POLD1: variants seen among roughly 807,000 people sequenced by gnomAD.
POLD1 encodes the protein DNA polymerase delta catalytic subunit.
A neutral mutation model predicts 129.7 loss-of-function variants in POLD1; 79 were observed. That is an observed-to-expected ratio of 0.61 (90% CI 0.51 to 0.73). POLD1 has a LOEUF of 0.73. POLD1 is among the 30% of genes least tolerant of loss of function. The probability of loss-of-function intolerance (pLI) is 0.00; values close to 1 mark genes in which losing one functional copy is unlikely to be tolerated. For missense variants in POLD1, 1,338 were observed against 1,595.8 expected (o/e 0.84, Z 2.75); for synonymous variants, 714 against 683.3 (o/e 1.04, Z -0.70).
rs2122279085 is a variant in POLD1 at position 50,403,571 on chromosome 19, C to G, written c.1216C>G (p.Leu406Val). 1 of 1,613,340 alleles carries G rather than the reference C, an allele frequency of 6.2e-7. No individual in the cohort carries two copies. Among genetic ancestry groups the G allele is most frequent in the Non-Finnish European group, 8.5e-7 (1 of 1,179,266 alleles). Residue 406 changes from leucine (L) to valine (V), a missense_variant, in exon 10 of 27, where the codon CTC becomes GTC. Around this residue, in one of 3 missense-constraint regions of POLD1, gnomAD observed 720 missense variants for 1,002.6 expected, o/e 0.72. Transcript: ENST00000440232. ...CATCCAGAACTTCGACCTTCCGTAC[C>G]TCATCTCTCGGGCCCAGACCCTCAA... ...YNIQNFDLPY[L>V]ISRAQTLKVQ... is the part of the protein sequence containing the mutation.
intron 1 of POLD1, among the ~76,000 whole-genome samples, chr19:50,392,072 G>A (rs1352241526): frequency 6.6e-6 from 1 of 151,730 alleles, no homozygotes; most frequent in African/African-American, 2.4e-5. Flanking sequence ...CATTGTCATG[G>A]CAACTTTTTC....
intron 26 of POLD1, 87 bp from the exon 27 acceptor site, chr19:50,417,755 A>G (rs1009758205): frequency 4.9e-6 from 3 of 614,128 alleles, no homozygotes; most frequent in Non-Finnish European, 8.3e-6. Flanking sequence ...GGCGGGGACC[A>G]AAGTCCTGGG....
intron 1 of POLD1, among the ~76,000 whole-genome samples, chr19:50,389,813 T>A (rs1267724635): frequency 1.3e-5 from 2 of 151,908 alleles, no homozygotes; most frequent in Non-Finnish European, 2.9e-5. Context: ...CTCGAACCCC[T>A]GACCTCAGGT....
intron 20 of POLD1, 49 bp downstream of exon 20, chr19:50,415,039 C>G: frequency 2.1e-6 from 3 of 1,441,936 alleles, no homozygotes; most frequent in Non-Finnish European, 2.8e-6. Flanking sequence ...CCCCAAACCC[C>G]TCCTCCCTCA....
chr19:50,399,123 C>A, intron 2 of POLD1, 70 bp downstream of exon 2: 1 of 1,549,148 alleles, frequency 6.5e-7, no homozygotes, highest in South Asian at 1.2e-5. Context: ...GTCCAAGAGT[C>A]AGCTGCAAAG....
chr19:50,417,738 G>A (rs1348327251), intron 26 of POLD1, 104 bp from the exon 27 acceptor site: 1 of 692,644 alleles, frequency 1.4e-6, no homozygotes, highest in Non-Finnish European at 2.6e-6. Flanking sequence ...GGGTGGGCTG[G>A]GCAGCAGGCG....
chr19:50,407,742 T>TC (rs2122350945), intron 14 of POLD1, among the ~76,000 whole-genome samples: 1 of 146,596 alleles, frequency 6.8e-6, no homozygotes, highest in South Asian at 2.1e-4. Context: ...TTTTTTTTTT[T>TC]TTTTTTGCAT....
Position 50,401,853 on chromosome 19 carries a change from C to T in POLD1, c.392C>T (p.Thr131Ile). 1 of 1,613,998 alleles carries T rather than the reference C, an allele frequency of 6.2e-7. No individual in the cohort carries two copies. The highest frequency in any genetic ancestry group is 8.5e-7 in the Non-Finnish European group (1 of 1,179,944). Residue 131 changes from threonine (T) to isoleucine (I), a missense_variant, in exon 4 of 27, where the codon ACC becomes ATC. Around this residue, in one of 3 missense-constraint regions of POLD1, gnomAD observed 332 missense variants for 315.7 expected, o/e 1.05. Transcript: ENST00000440232. ...SVPVLRAFGV[T>I]DEGFSVCCHI... ...CCTGTGCTCCGCGCCTTCGGGGTCA[C>T]CGATGAGGGGTTCTCTGTCTGCTGC...
At position 50,406,989 on chromosome 19, in the gene POLD1, A is replaced by C. The variant is rs1379407250; in HGVS notation, c.1501A>C (p.Asn501His). ...HSIITDLQNGNDQTRRRLAVY... is the reference protein window; with the variant it reads ...HSIITDLQNGHDQTRRRLAVY... ...CATCCGTGCCCATCCCCAGAATGGG[A>C]ACGACCAGACCCGCCGCCGCCTGGC... Residue 501 changes from asparagine to histidine, a missense_variant, in exon 13 of 27, where the codon AAC (asparagine) becomes CAC (histidine). Around this residue, in one of 3 missense-constraint regions of POLD1, gnomAD observed 720 missense variants for 1,002.6 expected, o/e 0.72. Transcript: ENST00000440232. The surrounding 1 kb of genome is among the most constrained non-coding windows in gnomAD (Gnocchi z 5.5). The C allele has an allele frequency of 6.7e-7, 1 of 1,492,274 alleles. No individual in the cohort carries two copies. Among genetic ancestry groups the C allele is most frequent in the Non-Finnish European group, 9.0e-7 (1 of 1,108,448 alleles). 92.4% of individuals were successfully genotyped at this position (1,492,274 alleles called of 1,614,324 possible). A position where few individuals can be genotyped will look rare whatever the true frequency, so the allele number is the denominator to read the frequency against.
At position 50,403,911 on chromosome 19, in the gene POLD1, A is replaced by C. The variant is rs3219385; in HGVS notation, c.1242+314A>C. On this transcript the variant is annotated intron_variant, in intron 10 of 26. Transcript: ENST00000440232. ...CTGAATCCCAGTCTTCCTTTAGGTTATATCAGCATAAGGAAAAGAATCATA... is the reference window on the plus strand; with the variant it reads ...CTGAATCCCAGTCTTCCTTTAGGTTCTATCAGCATAAGGAAAAGAATCATA... Among the ~76,000 whole-genome samples, 4,818 of 152,308 alleles carry C rather than the reference A, an allele frequency of 0.032. 274 individuals are homozygous for C. Among genetic ancestry groups the C allele is most frequent in the African/African-American group, 0.1 (4,297 of 41,554 alleles).
In POLD1 at chr19:50,417,273, T is replaced by C. The variant is rs1228955696; in HGVS notation, c.3218+4T>C. 6.3e-6 allele frequency: 10 copies of C among 1,584,146 alleles called. No homozygotes were observed. In the East Asian group the frequency reaches 2.0e-4, roughly 32 times the overall value. ...ACGAGGACGTCATCTGCACCAGGTG[T>C]GTGCCATGTCCCGACCCTGGGCTGC... On this transcript the variant is annotated splice_donor_region_variant and intron_variant, in intron 26 of 26. Transcript: ENST00000440232.
chr19:50,384,765 G>A (rs1389282308), intron 1 of POLD1, among the ~76,000 whole-genome samples: 1 of 152,254 alleles, frequency 6.6e-6, no homozygotes, highest in Non-Finnish European at 1.5e-5. Flanking sequence ...AGAAGTCCCT[G>A]TCTCGGGAAG....
rs746700905 is a variant in POLD1, at chr19:50,403,558, C to T, written c.1203C>T (p.Phe401=). 3.1e-6 allele frequency: 5 copies of T among 1,613,970 alleles called. No individual in the cohort carries two copies. The highest frequency in any genetic ancestry group is 1.1e-5 in the South Asian group (1 of 91,078). ...DVITGYNIQN[F]DLPYLISRAQ... Reference sequence around the variant, plus strand: ...TCACCGGTTACAACATCCAGAACTTCGACCTTCCGTACCTCATCTCTCGGG... The same window carrying T: ...TCACCGGTTACAACATCCAGAACTTTGACCTTCCGTACCTCATCTCTCGGG... The change falls in exon 10 of 27, where the codon TTC becomes TTT. Residue 401 remains phenylalanine (F), a synonymous_variant. Coordinates refer to ENST00000440232, the MANE Select transcript of POLD1 (RefSeq NM_002691.4).
chr19:50,395,876 CTTTTTTTT>C (rs774272686), intron 1 of POLD1, among the ~76,000 whole-genome samples: 5 of 73,660 alleles, frequency 6.8e-5, no homozygotes, highest in African/African-American at 2.3e-4. Context: ...AGGATATATA[CTTTTTTTT>C]TTTTTTTTTT....
At chr19:50,392,851 G>T (rs1054924198) in intron 1 of POLD1, among the ~76,000 whole-genome samples, 11 of 152,376 alleles carry the variant, frequency 7.2e-5, no homozygotes, top group Middle Eastern at 3.4e-3. Context: ...AGATAAAATT[G>T]TGAGTGCACC....
At chr19:50,417,801 G>T (rs1406225230) in intron 26 of POLD1, 41 bp from the exon 27 acceptor site, 4 of 1,319,504 alleles carry the variant, frequency 3.0e-6, no homozygotes, top group East Asian at 4.9e-5. Flanking sequence ...TGGGCACTGG[G>T]CCTTGGCTGG....
chr19:50,406,400 C>G lies in POLD1; in HGVS notation c.1384-7C>G, dbSNP rs1406934577. 3 of 1,606,060 alleles carry G rather than the reference C, an allele frequency of 1.9e-6. No homozygotes were observed. Among genetic ancestry groups the G allele is most frequent in the Non-Finnish European group, 2.6e-6 (3 of 1,176,016 alleles). On this transcript the variant is annotated splice_polypyrimidine_tract_variant and splice_region_variant and intron_variant, in intron 11 of 26. Transcript: ENST00000440232. The surrounding 1 kb of genome is among the most constrained non-coding windows in gnomAD (Gnocchi z 5.5). ...CCCGCAGCCCACCAGCCCACCCACC[C>G]ACCTAGGTGCTGCTGCGGGAGTACA...
intron 3 of POLD1, among the ~76,000 whole-genome samples, chr19:50,399,895 A>G (rs1457180069): frequency 1.3e-5 from 2 of 148,194 alleles, no homozygotes; most frequent in Non-Finnish European, 3.0e-5. Context: ...GCTCACTGCA[A>G]CCTCTGCCTC....
At chr19:50,414,082 G>A (rs1335962345) in intron 19 of POLD1, among the ~76,000 whole-genome samples, 2 of 152,186 alleles carry the variant, frequency 1.3e-5, no homozygotes, top group Admixed American at 6.5e-5. Flanking sequence ...AAACCCTGTC[G>A]CTGTCCCTGG....
Sources: gnomAD v4.1 joint callset for allele counts (sites outside exome capture counted in the v4.1 genomes callset) on GRCh38, gnomAD v4.1.1 for gene constraint, gnomAD v4.1.1 regional missense constraint, Gnocchi (gnomAD v3.1) non-coding constraint, MANE v1.5 for transcripts, NCBI Gene and HGNC (gene_info 2026-07-23, HGNC 2026-07-21) for gene names.